BBS9: variants seen among roughly 807,000 people sequenced by gnomAD.
The protein encoded by BBS9 is protein PTHB1.
A neutral mutation model predicts 117.7 loss-of-function variants in BBS9; 89 were observed. The observed-to-expected ratio is 0.76, with a 90% confidence interval of 0.64 to 0.90. BBS9 has a LOEUF of 0.90. BBS9 is among the 40% of genes least tolerant of loss of function. The probability of loss-of-function intolerance (pLI) is 0.00; values close to 1 mark genes in which losing one functional copy is unlikely to be tolerated. For synonymous variants in BBS9, 379 were observed against 370.9 expected (o/e 1.02, Z -0.25); for missense variants, 982 against 1,042.2 (o/e 0.94, Z 0.80).
At chr7:33,377,949 T>A (rs1373157973) in intron 17 of BBS9, among the ~76,000 whole-genome samples, 1 of 152,162 alleles carries the variant, frequency 6.6e-6, no homozygotes, top group East Asian at 1.9e-4. Context: ...ATTTATTAAA[T>A]GGCCCTAAAA....
intron 5 of BBS9, among the ~76,000 whole-genome samples, chr7:33,232,754 G>A (rs929867110): frequency 1.3e-5 from 2 of 151,934 alleles, no homozygotes; most frequent in Admixed American, 6.6e-5. Context: ...ATAATATATG[G>A]CCTAGGTGTA....
chr7:33,176,336 G>A (rs1377473602), intron 4 of BBS9, among the ~76,000 whole-genome samples: 1 of 152,156 alleles, frequency 6.6e-6, no homozygotes, highest in Non-Finnish European at 1.5e-5. Context: ...CACATTCCCT[G>A]AAAGTTGTTA....
intron 5 of BBS9, among the ~76,000 whole-genome samples, chr7:33,189,050 C>T (rs544017625): frequency 6.6e-6 from 1 of 152,130 alleles, no homozygotes; most frequent in Non-Finnish European, 1.5e-5. Flanking sequence ...GAGACAGGGT[C>T]TAGCATTGTC....
chr7:33,260,221 C>A (rs549366515), intron 6 of BBS9, among the ~76,000 whole-genome samples: 3 of 151,992 alleles, frequency 2.0e-5, no homozygotes, highest in Non-Finnish European at 2.9e-5. Context: ...GGGCTGGTTG[C>A]GAACTCCTGA....
At chr7:33,481,127 G>A (rs146341769) in intron 19 of BBS9, among the ~76,000 whole-genome samples, 1 of 152,158 alleles carries the variant, frequency 6.6e-6, no homozygotes, top group Admixed American at 6.6e-5. Context: ...TGAATGAAGA[G>A]GTGGAACTTG....
At chr7:33,459,849 CCATATAT>C (rs1181445075) in intron 19 of BBS9, among the ~76,000 whole-genome samples, 1 of 152,012 alleles carries the variant, frequency 6.6e-6, no homozygotes, top group Non-Finnish European at 1.5e-5. Flanking sequence ...TTGGTCTTTA[CCATATAT>C]TATATAAGTG....
At chr7:33,405,438 C>T (rs1829749492) in intron 19 of BBS9, among the ~76,000 whole-genome samples, 1 of 152,138 alleles carries the variant, frequency 6.6e-6, no homozygotes, top group South Asian at 2.1e-4. Flanking sequence ...CCTCCTTGTA[C>T]CTCTGGTAGA....
intron 21 of BBS9, among the ~76,000 whole-genome samples, chr7:33,626,918 C>A (rs1417591123): frequency 6.6e-6 from 1 of 152,160 alleles, no homozygotes; most frequent in Non-Finnish European, 1.5e-5. Flanking sequence ...GCAGCCTGAC[C>A]ATGTGGTAGA....
chr7:33,496,732 G>T (rs1293149522), intron 19 of BBS9, among the ~76,000 whole-genome samples: 1 of 152,164 alleles, frequency 6.6e-6, no homozygotes, highest in Non-Finnish European at 1.5e-5. Context: ...CTAGTCATAA[G>T]TTCAGCACAG....
intron 5 of BBS9, among the ~76,000 whole-genome samples, chr7:33,206,339 G>T (rs1452380927): frequency 6.6e-6 from 1 of 152,216 alleles, no homozygotes; most frequent in African/African-American, 2.4e-5. Context: ...TGTATTTTGG[G>T]ATATCTTTGT....
chr7:33,517,206 G>A (rs1847928246), intron 20 of BBS9, among the ~76,000 whole-genome samples: 2 of 152,130 alleles, frequency 1.3e-5, no homozygotes, highest in Admixed American at 6.5e-5. Flanking sequence ...CTTTTATTGA[G>A]CATTATTATG....
intron 19 of BBS9, among the ~76,000 whole-genome samples, chr7:33,394,066 C>A (rs1827533807): frequency 6.6e-6 from 1 of 152,076 alleles, no homozygotes; most frequent in African/African-American, 2.4e-5. Context: ...TTATGGAGGC[C>A]AACCTAAGGT....
rs73315001 is a variant in BBS9, at chr7:33,452,262, A to G, written c.2116-53201A>G. 3.1e-3 allele frequency among the ~76,000 whole-genome samples: 462 copies of G among 151,258 alleles called. 1 individual carries two copies. The highest frequency in any genetic ancestry group is 0.011 in the African/African-American group (440 of 41,184). On this transcript the variant is annotated intron_variant, in intron 19 of 22. Transcript: ENST00000242067. ...GTCTTCTACTACCTTGGTTAAGTTTATTACTAAGTGTTTGATTCTGAGAAC... is the reference window on the plus strand; with the variant it reads ...GTCTTCTACTACCTTGGTTAAGTTTGTTACTAAGTGTTTGATTCTGAGAAC...
chr7:33,401,430 G>C (rs1164555065), intron 19 of BBS9, among the ~76,000 whole-genome samples: 1 of 152,152 alleles, frequency 6.6e-6, no homozygotes, highest in Non-Finnish European at 1.5e-5. Context: ...GTCTCAGGAG[G>C]TCCTAAGAAC....
chr7:33,416,461 G>C (rs1430725199), intron 19 of BBS9, among the ~76,000 whole-genome samples: 4 of 152,010 alleles, frequency 2.6e-5, no homozygotes, highest in South Asian at 2.1e-4. Context: ...TGAACGGCAG[G>C]CTGAGAGGTT....
intron 5 of BBS9, among the ~76,000 whole-genome samples, chr7:33,187,780 G>T (rs554404170): frequency 2.6e-5 from 4 of 151,898 alleles, no homozygotes; most frequent in African/African-American, 9.7e-5. Context: ...AATTAGCTGG[G>T]CACGGTGGTG....
intron 9 of BBS9, among the ~76,000 whole-genome samples, chr7:33,302,795 T>C (rs1007774811): frequency 6.6e-6 from 1 of 152,180 alleles, no homozygotes; most frequent in Non-Finnish European, 1.5e-5. Context: ...TGTACGATTA[T>C]TTTTTTCCAT....
chr7:33,244,874 A>G (rs1405641555), intron 5 of BBS9, among the ~76,000 whole-genome samples: 2 of 152,144 alleles, frequency 1.3e-5, no homozygotes, highest in Non-Finnish European at 2.9e-5. Flanking sequence ...TACATTTGAT[A>G]CTCTTTCCAT....
At chr7:33,443,170 G>T (rs1443414856) in intron 19 of BBS9, among the ~76,000 whole-genome samples, 6 of 152,046 alleles carry the variant, frequency 3.9e-5, no homozygotes, top group Non-Finnish European at 7.4e-5. Flanking sequence ...GGTAAAAATG[G>T]AACTTGTTTT....
Sources: allele counts gnomAD v4.1 joint callset (sites outside exome capture counted in the v4.1 genomes callset), GRCh38; gene constraint gnomAD v4.1.1; transcripts MANE v1.5; gene names NCBI Gene and HGNC (gene_info 2026-07-23, HGNC 2026-07-21).